The following TPP2 variants were observed in gnomAD, a reference collection of about 807,000 sequenced individuals.
TPP2 encodes tripeptidyl peptidase 2.
TPP2 carries 34 observed loss-of-function variants against 155.9 expected under a neutral mutation model. The ratio of observed to expected loss-of-function variants is 0.22; its 90% CI spans 0.17 to 0.29. The LOEUF (loss-of-function observed/expected upper bound fraction) is 0.29, where lower values mean the gene tolerates loss of function less well. TPP2 is among the 10% of genes least tolerant of loss of function. TPP2 has a pLI of 1.00. For synonymous variants in TPP2, 510 were observed against 529.4 expected (o/e 0.96, Z 0.50); for missense variants, 1,028 against 1,522.3 (o/e 0.68, Z 5.40).
At chr13:102,658,637 A>G (rs1301203130) in intron 25 of TPP2, among the ~76,000 whole-genome samples, 1 of 152,232 alleles carries the variant, frequency 6.6e-6, no homozygotes, top group Non-Finnish European at 1.5e-5. Flanking sequence ...AAATACCTAC[A>G]AGAATTGGAT....
intron 5 of TPP2, among the ~76,000 whole-genome samples, chr13:102,621,483 G>T (rs1207698409): frequency 6.6e-6 from 1 of 152,134 alleles, no homozygotes; most frequent in African/African-American, 2.4e-5. Context: ...AAGCAGAGAG[G>T]TAGAAAGGGT....
Position 102,678,358 on chromosome 13 carries a change from T to C in TPP2, c.*42T>C, listed in dbSNP as rs775381705. 1.9e-5 allele frequency: 31 copies of C among 1,590,956 alleles called. No homozygotes were observed. In the East Asian group the frequency reaches 5.8e-4, roughly 30 times the overall value. On this transcript the variant is annotated 3_prime_UTR_variant, in exon 30 of 30. Transcript: ENST00000376052. ...TTAAATTTTAAAAAAGGAAGTTTTA[T>C]AGTGAATGGGTATAAAAACAAATTT... is the stretch of plus-strand genomic sequence containing the variant.
At chr13:102,655,283 T>A (rs1194605363) in intron 24 of TPP2, among the ~76,000 whole-genome samples, 1 of 152,158 alleles carries the variant, frequency 6.6e-6, no homozygotes, top group Non-Finnish European at 1.5e-5. Context: ...CTCCTAAAAA[T>A]CCTATTTGCG....
intron 1 of TPP2, among the ~76,000 whole-genome samples, chr13:102,601,527 T>G (rs1879428203): frequency 6.6e-6 from 1 of 152,236 alleles, no homozygotes; most frequent in South Asian, 2.1e-4. Flanking sequence ...GGGCAATTTC[T>G]GTTTCATCCA....
chr13:102,635,462 T>A (rs1391231737), intron 11 of TPP2, 125 bp from the exon 12 acceptor site: 3 of 617,014 alleles, frequency 4.9e-6, no homozygotes, highest in Non-Finnish European at 8.3e-6. Context: ...AAAAAGATTT[T>A]AAAATGAGTG....
rs1313279334 is a variant in TPP2, at chr13:102,597,235, G to A, written c.165+32G>A. On this transcript the variant is annotated intron_variant, in intron 1 of 29. Transcript: ENST00000376052. The stretch of plus-strand genomic sequence containing the variant: ...CGGCCCCCGAGGGCCCGGGCGCGGG[G>A]GCGCGGGCGGCCGGGGACGCGGGTG... The A allele has an allele frequency of 3.1e-6, 4 of 1,280,752 alleles. No homozygotes were observed. The African/African-American group carries it at 4.7e-5, about 15-fold the overall frequency. 79.3% of individuals were successfully genotyped at this position (1,280,752 alleles called of 1,614,324 possible). A position where few individuals can be genotyped will look rare whatever the true frequency, so the allele number is the denominator to read the frequency against.
intron 24 of TPP2, among the ~76,000 whole-genome samples, chr13:102,653,398 T>G (rs967706192): frequency 6.6e-6 from 1 of 152,154 alleles, no homozygotes; most frequent in African/African-American, 2.4e-5. Flanking sequence ...TCTGTTTGTT[T>G]GTATGTTTTT....
intron 6 of TPP2, among the ~76,000 whole-genome samples, chr13:102,623,853 G>A (rs1381437833): frequency 6.6e-6 from 1 of 152,144 alleles, no homozygotes; most frequent in Non-Finnish European, 1.5e-5. Flanking sequence ...AAATGACATA[G>A]TGTTTGTGTA....
intron 18 of TPP2, 44 bp downstream of exon 18, chr13:102,644,717 G>T: frequency 6.6e-7 from 1 of 1,514,310 alleles, no homozygotes; most frequent in Non-Finnish European, 9.1e-7. Flanking sequence ...TCAGTTACTT[G>T]TGTTACTGGA....
Position 102,606,018 on chromosome 13 carries a change from G to A in TPP2, c.294+1097G>A, listed in dbSNP as rs138071942. Among the ~76,000 whole-genome samples the A allele has an allele frequency of 2.0e-3, 307 of 152,178 alleles. 3 individuals are homozygous for A. The highest frequency in any genetic ancestry group is 7.0e-3 in the African/African-American group (290 of 41,516). On this transcript the variant is annotated intron_variant, in intron 2 of 29. Coordinates refer to ENST00000376052, the MANE Select transcript of TPP2 (RefSeq NM_001330588.2). The stretch of plus-strand genomic sequence containing the variant: ...ATTATAGGCGTGAGCCAGGGCACTC[G>A]GCCTACCAGCTTTGTCTTATTCTAT...
intron 27 of TPP2, among the ~76,000 whole-genome samples, chr13:102,665,576 C>T (rs913883195): frequency 5.3e-5 from 8 of 152,168 alleles, no homozygotes; most frequent in African/African-American, 1.4e-4. Flanking sequence ...GGTCCAGTGA[C>T]TCTGAACCAA....
At position 102,648,963 on chromosome 13, in the gene TPP2, G is replaced by A. The variant is rs760024071; in HGVS notation, c.2685G>A (p.Glu895=). 5.6e-6 allele frequency: 9 copies of A among 1,613,380 alleles called. No homozygotes were observed. Among genetic ancestry groups the A allele is most frequent in the Non-Finnish European group, 7.6e-6 (9 of 1,179,826 alleles). The part of the protein sequence containing the change: ...DYTIRLQIRH[E]QISDLERLKD... The stretch of plus-strand genomic sequence containing the variant: ...CAATTCGACTACAGATTCGCCATGA[G>A]CAAATCAGTGATTTGGAACGCCTTA... The change falls in exon 22 of 30, where the codon GAG becomes GAA. Residue 895 remains glutamate, a synonymous_variant. Transcript: ENST00000376052.
At chr13:102,618,953 T>C (rs1880945090) in intron 5 of TPP2, 107 bp downstream of exon 5, 2 of 1,365,602 alleles carry the variant, frequency 1.5e-6, no homozygotes, top group Admixed American at 2.8e-5. Flanking sequence ...ATTCGTGATA[T>C]CACTCAGCAA....
At chr13:102,604,161 G>A (rs1262185685) in intron 1 of TPP2, among the ~76,000 whole-genome samples, 1 of 152,022 alleles carries the variant, frequency 6.6e-6, no homozygotes, top group East Asian at 1.9e-4. Flanking sequence ...GTGCTAGTGT[G>A]GCATCCAATA....
rs1309195173 is a variant in TPP2 at position 102,627,898 on chromosome 13, A to G, written c.990A>G (p.Gly330=). ...HKCDLVNYSY[G]EATHWPNSGR... is the part of the protein sequence containing the mutation. Reference sequence around the variant, plus strand: ...GTGATCTTGTCAACTACAGTTACGGAGAAGCAACTCACTGGCCAAATTCTG... The same window carrying G: ...GTGATCTTGTCAACTACAGTTACGGGGAAGCAACTCACTGGCCAAATTCTG... The change falls in exon 8 of 30, where the codon GGA becomes GGG. Residue 330 remains glycine, a synonymous_variant. Coordinates refer to ENST00000376052, the MANE Select transcript of TPP2 (RefSeq NM_001330588.2). 1 of 1,613,740 alleles carries G rather than the reference A, an allele frequency of 6.2e-7. No homozygotes were observed. Among genetic ancestry groups the G allele is most frequent in the Non-Finnish European group, 8.5e-7 (1 of 1,179,832 alleles).
intron 27 of TPP2, 132 bp downstream of exon 27, chr13:102,665,057 T>C (rs1205684797): frequency 8.9e-7 from 1 of 1,122,320 alleles, no homozygotes; most frequent in African/African-American, 1.6e-5. Flanking sequence ...ATTATCACTA[T>C]TTGGATACTC....
At chr13:102,620,141 A>ATTT (rs1881048828) in intron 5 of TPP2, among the ~76,000 whole-genome samples, 3 of 152,326 alleles carry the variant, frequency 2.0e-5, no homozygotes, top group African/African-American at 7.2e-5. Flanking sequence ...GTCTTAGGAA[A>ATTT]AGGAATCCGG....
At chr13:102,656,486 C>T (rs549513600) in intron 24 of TPP2, among the ~76,000 whole-genome samples, 6 of 152,196 alleles carry the variant, frequency 3.9e-5, no homozygotes, top group East Asian at 1.9e-4. Flanking sequence ...TTGTGTCCAT[C>T]GGCTCCCCCT....
chr13:102,664,699 C>A, intron 26 of TPP2, 96 bp from the exon 27 acceptor site: 1 of 1,226,220 alleles, frequency 8.2e-7, no homozygotes, highest in Non-Finnish European at 1.1e-6. Flanking sequence ...ACTCACACTG[C>A]AGTTGTAGGT....
Sources: allele counts gnomAD v4.1 joint callset (sites outside exome capture counted in the v4.1 genomes callset), GRCh38; gene constraint gnomAD v4.1.1; transcripts MANE v1.5; gene names NCBI Gene and HGNC (gene_info 2026-07-23, HGNC 2026-07-21).